Variants in GRM8 observed in about 807,000 individuals in gnomAD.
GRM8 encodes metabotropic glutamate receptor 8.
In GRM8, 47 loss-of-function variants were observed where a neutral mutation model predicts 87.2. The observed-to-expected ratio is 0.54, with a 90% CI of 0.43 to 0.69. GRM8 has a LOEUF of 0.69. Ranked by LOEUF, GRM8 falls within the 30% of genes least tolerant of loss-of-function variation. The pLI, the probability that GRM8 is intolerant of heterozygous loss-of-function variation, is 0.00. For synonymous variants in GRM8, 396 were observed against 404.5 expected (o/e 0.98, Z 0.25); for missense variants, 1,019 against 1,139.2 (o/e 0.89, Z 1.52).
chr7:127,050,913 G>C (rs1819405542), intron 3 of GRM8, among the ~76,000 whole-genome samples: 1 of 152,118 alleles, frequency 6.6e-6, no homozygotes, highest in African/African-American at 2.4e-5. Context: ...CACAGAATTT[G>C]CAATTATAGG....
chr7:126,801,337 C>T (rs1822658164), intron 6 of GRM8, among the ~76,000 whole-genome samples: 1 of 144,818 alleles, frequency 6.9e-6, no homozygotes, highest in Admixed American at 7.0e-5. Context: ...ATTAAAGCAA[C>T]CAACAATAAT....
chr7:126,978,047 A>G (rs10263260), intron 3 of GRM8, among the ~76,000 whole-genome samples: 4,396 of 152,314 alleles, frequency 0.029, 210 homozygotes, highest in African/African-American at 0.099. Context: ...GAGATGTGGC[A>G]TAGTAGCAAT....
chr7:126,850,069 G>A (rs560096444), intron 6 of GRM8, among the ~76,000 whole-genome samples: 5 of 152,118 alleles, frequency 3.3e-5, no homozygotes, highest in African/African-American at 7.2e-5. Flanking sequence ...TATGCATGCC[G>A]CCTCCAGTTT....
In GRM8 at chr7:127,011,355, C is replaced by T. The variant is rs141427939; in HGVS notation, c.727+95141G>A. Among the ~76,000 whole-genome samples, 1,357 of 152,228 alleles carry T rather than the reference C, an allele frequency of 8.9e-3. 8 individuals carry two copies. The highest frequency in any genetic ancestry group is 0.014 in the Middle Eastern group (4 of 294). ...ATGAGAATCCACATGCAAAGCATAACTTGAAGGTTTAACTACATAAATTAA... is the reference window on the plus strand; with the variant it reads ...ATGAGAATCCACATGCAAAGCATAATTTGAAGGTTTAACTACATAAATTAA... On this transcript the variant is annotated intron_variant, in intron 3 of 10. Transcript: ENST00000339582.
intron 6 of GRM8, among the ~76,000 whole-genome samples, chr7:126,853,316 TG>T (rs1321259647): frequency 1.3e-5 from 2 of 152,136 alleles, no homozygotes; most frequent in African/African-American, 4.8e-5. Flanking sequence ...GGTCGCAAGG[TG>T]TTTTTTTTGT....
intron 7 of GRM8, among the ~76,000 whole-genome samples, chr7:126,653,312 A>AT (rs1804138610): frequency 6.6e-6 from 1 of 151,440 alleles, no homozygotes; most frequent in Non-Finnish European, 1.5e-5. Context: ...AAAAAAAAAA[A>AT]AAAAGGCAAG....
intron 7 of GRM8, among the ~76,000 whole-genome samples, chr7:126,753,240 A>C (rs1391969358): frequency 1.3e-5 from 2 of 152,124 alleles, no homozygotes; most frequent in Middle Eastern, 3.4e-3. Flanking sequence ...TGGTAGAGCC[A>C]GGATTTGAGA....
chr7:126,476,706 A>C (rs756082089), intron 9 of GRM8, among the ~76,000 whole-genome samples: 32 of 152,284 alleles, frequency 2.1e-4, no homozygotes, highest in Middle Eastern at 3.4e-3. Flanking sequence ...ATTACCTCAC[A>C]ACTGTTAGAT....
At chr7:126,597,936 C>T (rs1361405286) in intron 8 of GRM8, among the ~76,000 whole-genome samples, 1 of 152,020 alleles carries the variant, frequency 6.6e-6, no homozygotes, top group Non-Finnish European at 1.5e-5. Flanking sequence ...TCTGAATCTT[C>T]TCTTCCAGCT....
chr7:126,711,155 T>C (rs1452706067), intron 7 of GRM8, among the ~76,000 whole-genome samples: 1 of 152,192 alleles, frequency 6.6e-6, no homozygotes, highest in African/African-American at 2.4e-5. Flanking sequence ...AGCCTGGATA[T>C]CACAGTGAGA....
chr7:126,856,115 TTC>T (rs1269172027), intron 6 of GRM8, among the ~76,000 whole-genome samples: 6 of 152,098 alleles, frequency 3.9e-5, no homozygotes, highest in Admixed American at 2.6e-4. Flanking sequence ...CAAAAGTAAA[TTC>T]TGTCTTTTTT....
At chr7:127,146,324 T>G (rs149347426) in intron 2 of GRM8, among the ~76,000 whole-genome samples, 1 of 152,118 alleles carries the variant, frequency 6.6e-6, no homozygotes, top group Non-Finnish European at 1.5e-5. Context: ...GAAGAGAGTG[T>G]AGGAGATACT....
intron 6 of GRM8, among the ~76,000 whole-genome samples, chr7:126,818,603 C>T (rs933118174): frequency 2.6e-5 from 4 of 152,058 alleles, no homozygotes; most frequent in Non-Finnish European, 5.9e-5. Flanking sequence ...TCTGTAAAAG[C>T]GAAAATGCTC....
chr7:126,746,379 T>C (rs1815683254), intron 7 of GRM8, among the ~76,000 whole-genome samples: 2 of 151,844 alleles, frequency 1.3e-5, no homozygotes, highest in African/African-American at 4.8e-5. Flanking sequence ...AGGAAATTCA[T>C]CCATGGTTAT....
rs745820581 is a variant in GRM8, at chr7:126,446,311, C to T, written c.2492G>A (p.Gly831Asp). The T allele has an allele frequency of 1.2e-6, 2 of 1,610,206 alleles. No homozygotes were observed. The highest frequency in any genetic ancestry group is 1.7e-6 in the Non-Finnish European group (2 of 1,177,206). Residue 831 changes from glycine to aspartate, a missense_variant, in exon 10 of 11, where the codon GGC (glycine) becomes GAC (aspartate). Gly to Asp is a moderately conservative substitution (Grantham distance 94). Coordinates refer to ENST00000339582, the MANE Select transcript of GRM8 (RefSeq NM_000845.3). ...SMSLSASVSLGMLYMPKVYII... is the reference protein window; with the variant it reads ...SMSLSASVSLDMLYMPKVYII... ...ATAAACCTTGGGCATATAGAGCATG[C>T]CCAGAGATACTGAAGCACTTAAACT...
chr7:127,124,254 G>C (rs1045594152), intron 2 of GRM8, among the ~76,000 whole-genome samples: 3 of 152,044 alleles, frequency 2.0e-5, no homozygotes, highest in Non-Finnish European at 4.4e-5. Context: ...CATTGAGACC[G>C]GCTTTTGTCC....
intron 3 of GRM8, among the ~76,000 whole-genome samples, chr7:126,941,921 T>C (rs1806987281): frequency 6.6e-6 from 1 of 152,194 alleles, no homozygotes; most frequent in Admixed American, 6.5e-5. Context: ...CCAGAAACTT[T>C]CTCTTTCTTT....
At chr7:126,614,851 C>A (rs1215410139) in intron 7 of GRM8, among the ~76,000 whole-genome samples, 3 of 152,144 alleles carry the variant, frequency 2.0e-5, no homozygotes, top group Admixed American at 6.5e-5. Context: ...AAGAACAAAG[C>A]CTCTAAGAAA....
chr7:126,988,900 T>C (rs901290173), intron 3 of GRM8, among the ~76,000 whole-genome samples: 2 of 152,200 alleles, frequency 1.3e-5, no homozygotes, highest in Non-Finnish European at 2.9e-5. Context: ...GTCAAATGGG[T>C]AATGGAAGAC....
Sources: allele counts gnomAD v4.1 joint callset (sites outside exome capture counted in the v4.1 genomes callset), GRCh38; gene constraint gnomAD v4.1.1; transcripts MANE v1.5; gene names NCBI Gene and HGNC (gene_info 2026-07-23, HGNC 2026-07-21).